The following ASIC2 variants were observed in gnomAD, a reference collection of about 807,000 sequenced individuals.
ASIC2 encodes the protein acid sensing ion channel subunit 2, also known as acid-sensing ion channel 2.
ASIC2 carries 25 observed loss-of-function variants against 57.3 expected under a neutral mutation model. The ratio of observed to expected loss-of-function variants is 0.44; its 90% confidence interval spans 0.32 to 0.61. The LOEUF (loss-of-function observed/expected upper bound fraction) is 0.61. ASIC2 is among the 20% of genes least tolerant of loss of function. The probability of loss-of-function intolerance (pLI) is 0.06; values close to 1 mark genes in which losing one functional copy is unlikely to be tolerated. For synonymous variants in ASIC2, 319 were observed against 307.5 expected (o/e 1.04, Z -0.39); for missense variants, 641 against 738.1 (o/e 0.87, Z 1.52).
rs1411020423 is a variant in ASIC2, at chr17:33,418,024, ATGTATGTGTG to A, written c.556-305967_556-305958del. Among the ~76,000 whole-genome samples the A allele has an allele frequency of 1.6e-3, 177 of 110,358 alleles. 2 individuals are homozygous for A. Among genetic ancestry groups the A allele is most frequent in the Non-Finnish European group, 2.8e-3 (128 of 46,460 alleles). The allele number at this position is 110,358 out of a possible 152,430, so 72.4% of individuals were successfully genotyped here. ...GGCCCCACTCTGGCTCTCAGCATGT[ATGTATGTGTG>A]TGTGTGTGTGTGTGTGTGTGTGTGT... On this transcript the variant is annotated intron_variant, in intron 1 of 9. Transcript: ENST00000359872.
intron 1 of ASIC2, chr17:34,003,028 T>C (rs1307089908): frequency 6.6e-6 from 1 of 152,252 alleles, no homozygotes; most frequent in African/African-American, 2.4e-5. Context: ...GTTCAAGGTA[T>C]AATTGTTGGG....
intron 1 of ASIC2, among the ~76,000 whole-genome samples, chr17:34,031,115 T>C (rs1364369178): frequency 6.6e-6 from 1 of 152,098 alleles, no homozygotes; most frequent in Non-Finnish European, 1.5e-5. Context: ...CACCCCCCAG[T>C]AGGGGCAGAC....
At chr17:33,909,007 A>C (rs761934312) in intron 1 of ASIC2, among the ~76,000 whole-genome samples, 2 of 152,204 alleles carry the variant, frequency 1.3e-5, no homozygotes, top group Non-Finnish European at 1.5e-5. Flanking sequence ...CCTTCAGCCA[A>C]GAAAAGAGCA....
chr17:33,053,419 C>T (rs1254668398), intron 3 of ASIC2, among the ~76,000 whole-genome samples: 1 of 152,168 alleles, frequency 6.6e-6, no homozygotes, highest in Non-Finnish European at 1.5e-5. Context: ...AGAACACAGT[C>T]TCTTTTAAAA....
intron 1 of ASIC2, among the ~76,000 whole-genome samples, chr17:33,863,704 G>A (rs573324591): frequency 3.9e-5 from 6 of 152,164 alleles, no homozygotes; most frequent in East Asian, 1.9e-4. Context: ...CAGTCCATCT[G>A]GTATTGTCTA....
At chr17:33,371,906 C>T (rs1909080122) in intron 1 of ASIC2, among the ~76,000 whole-genome samples, 1 of 151,996 alleles carries the variant, frequency 6.6e-6, no homozygotes, top group Non-Finnish European at 1.5e-5. Context: ...TTTGTTTGTG[C>T]AGGGCATAGG....
At chr17:33,935,550 A>C (rs1916039751) in intron 1 of ASIC2, 1 of 152,262 alleles carries the variant, frequency 6.6e-6, no homozygotes, top group African/African-American at 2.4e-5. Context: ...TGGCATCATC[A>C]TGATGATATT....
At chr17:33,404,974 G>A (rs1910416303) in intron 1 of ASIC2, among the ~76,000 whole-genome samples, 1 of 152,022 alleles carries the variant, frequency 6.6e-6, no homozygotes, top group African/African-American at 2.4e-5. Flanking sequence ...TAAGCAGTGG[G>A]AGCTACTGAA....
intron 1 of ASIC2, among the ~76,000 whole-genome samples, chr17:34,085,824 G>A (rs1421698642): frequency 0.017 from 2,586 of 151,938 alleles, 68 homozygotes; most frequent in East Asian, 0.055. Flanking sequence ...GTTTATTTGT[G>A]TAGAGGTGTT....
intron 1 of ASIC2, among the ~76,000 whole-genome samples, chr17:34,013,925 G>A (rs190686764): frequency 7.8e-4 from 118 of 152,224 alleles, no homozygotes; most frequent in Non-Finnish European, 1.4e-3. Flanking sequence ...GGGATACATC[G>A]TGGACAGATG....
At chr17:33,185,015 G>T (rs895322772) in intron 1 of ASIC2, among the ~76,000 whole-genome samples, 1 of 152,014 alleles carries the variant, frequency 6.6e-6, no homozygotes, top group African/African-American at 2.4e-5. Context: ...AGAGAAATTT[G>T]CCTGAAAGAT....
rs2092319919 is a variant in ASIC2, at chr17:33,125,562, A to T, written c.709-13495T>A. On this transcript the variant is annotated intron_variant, in intron 1 of 9. Coordinates refer to ENST00000225823, the MANE Select transcript of ASIC2 (RefSeq NM_183377.2). The stretch of plus-strand genomic sequence containing the variant: ...ACTATTACATGTCAAACACCGTGCT[A>T]GGTCCTGGGAATACAAAGATAAATA... Among the ~76,000 whole-genome samples the T allele has an allele frequency of 3.3e-5, 5 of 152,354 alleles. No individual in the cohort carries two copies. The South Asian group carries it at 1.0e-3, about 32-fold the overall frequency.
chr17:33,329,721 T>G (rs2142224180), intron 1 of ASIC2, among the ~76,000 whole-genome samples: 1 of 152,340 alleles, frequency 6.6e-6, no homozygotes, highest in African/African-American at 2.4e-5. Flanking sequence ...AACAAATCAC[T>G]TATCCTCTTT....
At chr17:33,669,788 C>T (rs954724948) in intron 1 of ASIC2, among the ~76,000 whole-genome samples, 15 of 152,154 alleles carry the variant, frequency 9.9e-5, no homozygotes, top group African/African-American at 3.6e-4. Context: ...GATATCTTCC[C>T]CTCCTGTTTT....
At chr17:33,229,929 A>G (rs1280914887) in intron 1 of ASIC2, among the ~76,000 whole-genome samples, 2 of 152,202 alleles carry the variant, frequency 1.3e-5, no homozygotes, top group East Asian at 1.9e-4. Context: ...TTTGATGGAC[A>G]TGTGAACTAC....
chr17:33,253,123 C>T (rs1908943969), intron 1 of ASIC2, among the ~76,000 whole-genome samples: 1 of 152,210 alleles, frequency 6.6e-6, no homozygotes, highest in Non-Finnish European at 1.5e-5. Context: ...ATAGTTATCA[C>T]AGTAGTCCCA....
intron 1 of ASIC2, among the ~76,000 whole-genome samples, chr17:33,879,206 G>A (rs2141938193): frequency 6.6e-6 from 1 of 152,244 alleles, no homozygotes; most frequent in African/African-American, 2.4e-5. Flanking sequence ...CAACTAACGA[G>A]CAAAATAACC....
chr17:33,501,051 T>C (rs1914087356), intron 1 of ASIC2, among the ~76,000 whole-genome samples: 1 of 152,220 alleles, frequency 6.6e-6, no homozygotes, highest in Non-Finnish European at 1.5e-5. Flanking sequence ...TTCTGAGCAC[T>C]CCCTGGTCTG....
At chr17:33,917,855 TACACACACACAC>T (rs10645495) in intron 1 of ASIC2, among the ~76,000 whole-genome samples, 3 of 139,098 alleles carry the variant, frequency 2.2e-5, no homozygotes, top group African/African-American at 5.5e-5. Flanking sequence ...TAAAGCCCGG[TACACACACACAC>T]ACACACACAC....
Sources: gnomAD v4.1 joint callset for allele counts (sites outside exome capture counted in the v4.1 genomes callset) on GRCh38, gnomAD v4.1.1 for gene constraint, MANE v1.5 for transcripts, NCBI Gene and HGNC (gene_info 2026-07-23, HGNC 2026-07-21) for gene names.